LRRTM4: variants seen among roughly 807,000 people sequenced by gnomAD.
LRRTM4 encodes leucine-rich repeat transmembrane neuronal protein 4.
A neutral mutation model predicts 47.6 loss-of-function variants in LRRTM4; 25 were observed. The observed-to-expected ratio is 0.53, with a 90% confidence interval of 0.38 to 0.73. The LOEUF is 0.73. Ranked by LOEUF, LRRTM4 falls within the 30% of genes least tolerant of loss-of-function variation. The pLI is 0.00. For missense variants in LRRTM4, 638 were observed against 713.4 expected (o/e 0.89, Z 1.20); for synonymous variants, 311 against 269.5 (o/e 1.15, Z -1.51).
In LRRTM4 at chr2:77,471,451, C is replaced by A. The variant is rs368336739; in HGVS notation, c.1551+46867G>T. Among the ~76,000 whole-genome samples the A allele has an allele frequency of 2.6e-5, 4 of 152,204 alleles. No homozygotes were observed. In the East Asian group the frequency reaches 5.8e-4, roughly 22 times the overall value. ...CCCTTCCATCTATTCTTCACAAAGC[C>A]CAGATGACTTATTGATTATGTCACT... On this transcript the variant is annotated intron_variant, in intron 3 of 3. Coordinates refer to ENST00000409884, the MANE Select transcript of LRRTM4 (RefSeq NM_001134745.3).
intron 3 of LRRTM4, among the ~76,000 whole-genome samples, chr2:76,900,898 C>G (rs1241827964): frequency 2.0e-5 from 3 of 152,066 alleles, no homozygotes; most frequent in Non-Finnish European, 4.4e-5. Flanking sequence ...ATTAGAAGTA[C>G]CAAAATTTAG....
At chr2:77,238,744 A>C (rs1475635134) in intron 3 of LRRTM4, among the ~76,000 whole-genome samples, 2 of 152,134 alleles carry the variant, frequency 1.3e-5, no homozygotes, top group African/African-American at 4.8e-5. Flanking sequence ...AAATGTAAGA[A>C]TTAGAGGAAA....
At chr2:77,140,632 A>C (rs1052028857) in intron 3 of LRRTM4, among the ~76,000 whole-genome samples, 2 of 152,202 alleles carry the variant, frequency 1.3e-5, no homozygotes, top group Non-Finnish European at 2.9e-5. Context: ...AATGGGATCT[A>C]ATTAAACTAA....
At chr2:77,232,477 G>T (rs1439844786) in intron 3 of LRRTM4, among the ~76,000 whole-genome samples, 2 of 152,164 alleles carry the variant, frequency 1.3e-5, no homozygotes, top group Non-Finnish European at 2.9e-5. Flanking sequence ...TTGCTAGACT[G>T]GGCTTCTTAT....
chr2:77,220,216 C>T (rs1214416680), intron 3 of LRRTM4, among the ~76,000 whole-genome samples: 1 of 152,130 alleles, frequency 6.6e-6, no homozygotes, highest in Non-Finnish European at 1.5e-5. Flanking sequence ...ACGTCACTGT[C>T]ATCAAAGACC....
chr2:77,211,977 C>A (rs181212024), intron 3 of LRRTM4, among the ~76,000 whole-genome samples: 1,937 of 152,044 alleles, frequency 0.013, 15 homozygotes, highest in Non-Finnish European at 0.02. Flanking sequence ...GGATTAAAAA[C>A]AATGAGTAAT....
At chr2:77,077,066 G>T (rs944379853) in intron 3 of LRRTM4, among the ~76,000 whole-genome samples, 6 of 152,076 alleles carry the variant, frequency 3.9e-5, no homozygotes, top group Non-Finnish European at 8.8e-5. Flanking sequence ...TACCTAGATG[G>T]TGTCTGACAA....
chr2:77,371,683 C>T (rs960697883), intron 3 of LRRTM4, among the ~76,000 whole-genome samples: 1 of 151,700 alleles, frequency 6.6e-6, no homozygotes, highest in African/African-American at 2.4e-5. Flanking sequence ...GTCCTGACTA[C>T]ACTAATTAAC....
chr2:77,390,038 G>A (rs923849307), intron 3 of LRRTM4, among the ~76,000 whole-genome samples: 2 of 152,058 alleles, frequency 1.3e-5, no homozygotes, highest in African/African-American at 4.8e-5. Context: ...TTCAGGACAT[G>A]TACTAAAGAA....
intron 3 of LRRTM4, among the ~76,000 whole-genome samples, chr2:77,290,144 T>A (rs771116142): frequency 2.6e-4 from 40 of 151,774 alleles, no homozygotes; most frequent in Admixed American, 4.6e-4. Context: ...CTAGATGAAA[T>A]AAAAAGCCCA....
intron 3 of LRRTM4, among the ~76,000 whole-genome samples, chr2:77,450,062 A>G (rs890842307): frequency 1.3e-5 from 2 of 152,202 alleles, no homozygotes; most frequent in African/African-American, 4.8e-5. Context: ...CAAGTAACAT[A>G]TAACAGACAT....
chr2:77,303,887 T>C (rs1165219558), intron 3 of LRRTM4, among the ~76,000 whole-genome samples: 1 of 152,202 alleles, frequency 6.6e-6, no homozygotes, highest in East Asian at 1.9e-4. Context: ...TTTCATATCT[T>C]GGCTATTGTG....
At chr2:77,316,745 C>T (rs1479840765) in intron 3 of LRRTM4, among the ~76,000 whole-genome samples, 1 of 152,088 alleles carries the variant, frequency 6.6e-6, no homozygotes, top group African/African-American at 2.4e-5. Flanking sequence ...GGGGTTTTGT[C>T]ATGTTGCCCA....
At chr2:77,126,464 A>G (rs1360983303) in intron 3 of LRRTM4, among the ~76,000 whole-genome samples, 1 of 152,132 alleles carries the variant, frequency 6.6e-6, no homozygotes, top group Non-Finnish European at 1.5e-5. Context: ...CTCTAGTGTG[A>G]TATATTTCAC....
chr2:77,108,708 C>T (rs895254926), intron 3 of LRRTM4, among the ~76,000 whole-genome samples: 10 of 151,492 alleles, frequency 6.6e-5, no homozygotes, highest in Admixed American at 6.6e-4. Flanking sequence ...CTCAGCCTCC[C>T]AAGTAGCTGG....
At chr2:76,858,094 T>C (rs1400974334) in intron 3 of LRRTM4, among the ~76,000 whole-genome samples, 3 of 152,132 alleles carry the variant, frequency 2.0e-5, no homozygotes, top group African/African-American at 7.2e-5. Flanking sequence ...TCTATAATGG[T>C]TAGTTTTATG....
At chr2:76,760,569 A>G (rs79542460) in intron 3 of LRRTM4, among the ~76,000 whole-genome samples, 10,945 of 152,028 alleles carry the variant, frequency 0.072, 752 homozygotes, top group East Asian at 0.3. Context: ...CATATGTACA[A>G]TAAACAGCCT....
intron 3 of LRRTM4, among the ~76,000 whole-genome samples, chr2:76,940,620 T>C (rs904894171): frequency 3.9e-5 from 6 of 152,172 alleles, no homozygotes; most frequent in African/African-American, 1.4e-4. Context: ...AACAGGCACA[T>C]GTACCCCTGA....
intron 3 of LRRTM4, among the ~76,000 whole-genome samples, chr2:76,871,178 T>C (rs973921278): frequency 2.6e-5 from 4 of 152,174 alleles, no homozygotes; most frequent in African/African-American, 4.8e-5. Flanking sequence ...CATATAGAGA[T>C]GCTAAAATAG....
Sources: gnomAD v4.1 joint callset for allele counts (sites outside exome capture counted in the v4.1 genomes callset) on GRCh38, gnomAD v4.1.1 for gene constraint, MANE v1.5 for transcripts, NCBI Gene and HGNC (gene_info 2026-07-23, HGNC 2026-07-21) for gene names.